Variants in KLHL6 observed in about 807,000 individuals in gnomAD.
The protein encoded by KLHL6 is kelch-like protein 6.
Under a neutral mutation model 58.6 loss-of-function variants are expected in KLHL6, and 41 were observed. That is an observed-to-expected ratio of 0.70 (90% CI 0.55 to 0.91). The LOEUF (loss-of-function observed/expected upper bound fraction) is 0.91. Ranked by LOEUF, KLHL6 falls within the 40% of genes least tolerant of loss-of-function variation. KLHL6 has a pLI of 0.00. For synonymous variants in KLHL6, 338 were observed against 322.7 expected (o/e 1.05, Z -0.51); for missense variants, 714 against 805.6 (o/e 0.89, Z 1.38).
At chr3:183,495,673 C>G (rs1717695322) in intron 4 of KLHL6, among the ~76,000 whole-genome samples, 1 of 151,550 alleles carries the variant, frequency 6.6e-6, no homozygotes, top group African/African-American at 2.4e-5. Flanking sequence ...AATCTATATA[C>G]TCAGTGCCTT....
rs1717467556 is a variant in KLHL6 at position 183,488,819 on chromosome 3, G to C, written c.*3108C>G. ...AATGACTTGAACTTTCTTTCTCGAA[G>C]AGCTACAGACTGGCAGCTTCATATA... On this transcript the variant is annotated 3_prime_UTR_variant, in exon 7 of 7. Coordinates refer to ENST00000341319, the MANE Select transcript of KLHL6 (RefSeq NM_130446.4). The C allele has an allele frequency of 6.6e-6, 1 of 152,236 alleles. No homozygotes were observed. The highest frequency in any genetic ancestry group is 1.5e-5 in the Non-Finnish European group (1 of 68,058). The allele number at this position is 152,236 out of a possible 1,614,324, so 9.4% of individuals were successfully genotyped here.
chr3:183,507,971 T>C, intron 3 of KLHL6, 88 bp downstream of exon 3: 1 of 1,207,274 alleles, frequency 8.3e-7, no homozygotes. Context: ...CTAAGGATTT[T>C]TGAATCCGCT....
Position 183,492,191 on chromosome 3 carries a change from C to T in KLHL6, c.1602G>A (p.Leu534=), listed in dbSNP as rs1294838269. 2 of 1,612,276 alleles carry T rather than the reference C, an allele frequency of 1.2e-6. No homozygotes were observed. Among genetic ancestry groups the T allele is most frequent in the East Asian group, 4.5e-5 (2 of 44,844 alleles). ...AMRALYAYSP[L]EDSWCLVTQL... ...GGGTCACCAGGCACCAGCTGTCTTC[C>T]AGCGGGCTGTAGGCGTACAGCGCTC... Residue 534 remains leucine (L), a synonymous_variant, in exon 7 of 7, where the codon CTG becomes CTA. Coordinates refer to ENST00000341319, the MANE Select transcript of KLHL6 (RefSeq NM_130446.4). The surrounding 1 kb of genome is among the most constrained non-coding windows in gnomAD (Gnocchi z 5.9).
chr3:183,531,450 T>A (rs1350138716), intron 1 of KLHL6, among the ~76,000 whole-genome samples: 3 of 131,898 alleles, frequency 2.3e-5, no homozygotes, highest in Non-Finnish European at 3.2e-5. Flanking sequence ...TGTGTTTTTT[T>A]TTTTTTTTTT....
At chr3:183,537,767 TC>T (rs774890305) in intron 1 of KLHL6, among the ~76,000 whole-genome samples, 15 of 152,264 alleles carry the variant, frequency 9.9e-5, no homozygotes, top group South Asian at 4.2e-4. Context: ...AGAGAGGCTC[TC>T]CCCGACACTC....
intron 3 of KLHL6, among the ~76,000 whole-genome samples, chr3:183,502,822 G>T (rs948641049): frequency 3.9e-5 from 6 of 152,218 alleles, no homozygotes; most frequent in African/African-American, 1.4e-4. Flanking sequence ...CTGTTAGATA[G>T]TAAGTGTTTG....
At chr3:183,498,371 C>T (rs1229495172) in intron 4 of KLHL6, among the ~76,000 whole-genome samples, 1 of 152,210 alleles carries the variant, frequency 6.6e-6, no homozygotes, top group South Asian at 2.1e-4. Context: ...CAGCTTTCCC[C>T]ACAAGTTCAG....
At chr3:183,550,956 T>C (rs1457175677) in intron 1 of KLHL6, among the ~76,000 whole-genome samples, 1 of 151,206 alleles carries the variant, frequency 6.6e-6, no homozygotes, top group African/African-American at 2.4e-5. Context: ...CTGTCTGTAC[T>C]AAAAATAAAA....
chr3:183,513,587 G>A (rs911906044), intron 2 of KLHL6, among the ~76,000 whole-genome samples: 3 of 152,190 alleles, frequency 2.0e-5, no homozygotes, highest in African/African-American at 4.8e-5. Flanking sequence ...AAACCACAGA[G>A]GAGAATCAAA....
intron 1 of KLHL6, among the ~76,000 whole-genome samples, chr3:183,540,688 G>A (rs1039247572): frequency 9.5e-5 from 14 of 146,634 alleles, no homozygotes; most frequent in African/African-American, 3.9e-4. Context: ...GCAGGCACAC[G>A]CCACCACACC....
At chr3:183,508,561 G>C (rs939378781) in intron 2 of KLHL6, 53 bp from the exon 3 acceptor site, 2 of 1,539,386 alleles carry the variant, frequency 1.3e-6, no homozygotes, top group Admixed American at 3.7e-5. Flanking sequence ...AGTCCACAAG[G>C]AGGTTTATCA....
chr3:183,537,457 T>C (rs950484571), intron 1 of KLHL6, among the ~76,000 whole-genome samples: 4 of 152,218 alleles, frequency 2.6e-5, no homozygotes, highest in Non-Finnish European at 5.9e-5. Flanking sequence ...AGAAAGACAC[T>C]GACCAATTCT....
At position 183,531,943 on chromosome 3, in the gene KLHL6, G is replaced by A. The variant is rs374289470; in HGVS notation, c.294-3933C>T. On this transcript the variant is annotated intron_variant, in intron 1 of 6. Coordinates refer to ENST00000341319, the MANE Select transcript of KLHL6 (RefSeq NM_130446.4). ...TTCAGACCATAATCTGGACTTCAGA[G>A]TTGATGCCGGAATAAATTAAGACTT... Among the ~76,000 whole-genome samples, 11 of 152,322 alleles carry A rather than the reference G, an allele frequency of 7.2e-5. No homozygotes were observed. In the South Asian group the frequency reaches 2.3e-3, roughly 32 times the overall value.
In KLHL6 at chr3:183,492,457, T is replaced by C. The variant is rs1717589580; in HGVS notation, c.1564+37A>G. The C allele has an allele frequency of 6.2e-7, 1 of 1,606,702 alleles. No homozygotes were observed. The highest frequency in any genetic ancestry group is 8.5e-7 in the Non-Finnish European group (1 of 1,173,390). ...TGCTGCAGCCAGGCGCTCATCAGGTTCTAAGCCATTCAGACCAATAAGAAG... is the reference window on the plus strand; with the variant it reads ...TGCTGCAGCCAGGCGCTCATCAGGTCCTAAGCCATTCAGACCAATAAGAAG... On this transcript the variant is annotated intron_variant, in intron 6 of 6. Coordinates refer to ENST00000341319, the MANE Select transcript of KLHL6 (RefSeq NM_130446.4). This position sits in a 1 kb window ranked among gnomAD's most constrained non-coding sequence, Gnocchi z 5.9.
Position 183,492,339 on chromosome 3 carries a change from G to A in KLHL6, c.1565-111C>T. On this transcript the variant is annotated intron_variant, in intron 6 of 6. Coordinates refer to ENST00000341319, the MANE Select transcript of KLHL6 (RefSeq NM_130446.4). This position sits in a 1 kb window ranked among gnomAD's most constrained non-coding sequence, Gnocchi z 5.9. ...GGCCAAGTCTACCCTCTTGCCAAGA[G>A]AAACAGTCGATTGATGGCTCTCCTG... 7.5e-7 allele frequency: 1 copy of A among 1,326,636 alleles called. No homozygotes were observed. Among genetic ancestry groups the A allele is most frequent in the Non-Finnish European group, 1.0e-6 (1 of 971,062 alleles). The allele number at this position is 1,326,636 out of a possible 1,614,324, so 82.2% of individuals were successfully genotyped here.
At chr3:183,528,616 G>A (rs532564651) in intron 1 of KLHL6, among the ~76,000 whole-genome samples, 52 of 152,142 alleles carry the variant, frequency 3.4e-4, no homozygotes, top group Non-Finnish European at 6.5e-4. Context: ...ATATTTAGCC[G>A]CCATCTTGGC....
chr3:183,496,367 G>T (rs1560091107), intron 4 of KLHL6, among the ~76,000 whole-genome samples: 2 of 152,248 alleles, frequency 1.3e-5, no homozygotes, highest in South Asian at 4.1e-4. Flanking sequence ...TATAGAAAAT[G>T]AGCACTGTCA....
intron 1 of KLHL6, among the ~76,000 whole-genome samples, chr3:183,536,320 C>T (rs1008275933): frequency 2.0e-5 from 3 of 152,212 alleles, no homozygotes; most frequent in African/African-American, 7.2e-5. Flanking sequence ...AGGCAAGGGC[C>T]GTGATACTCT....
Position 183,489,895 on chromosome 3 carries a change from A to G in KLHL6, c.*2032T>C, listed in dbSNP as rs1026255493. 10 of 152,256 alleles carry G rather than the reference A, an allele frequency of 6.6e-5. No homozygotes were observed. The highest frequency in any genetic ancestry group is 2.4e-4 in the African/African-American group (10 of 41,470). 9.4% of individuals were successfully genotyped at this position (152,256 alleles called of 1,614,324 possible). A position where few individuals can be genotyped will look rare whatever the true frequency, so the allele number is the denominator to read the frequency against. On this transcript the variant is annotated 3_prime_UTR_variant, in exon 7 of 7. Transcript: ENST00000341319. Reference sequence around the variant, plus strand: ...CTGTTTAATGAAAATTCAATTCACTATCAACTCTAATAACTAACTTCCCAA... The same window carrying G: ...CTGTTTAATGAAAATTCAATTCACTGTCAACTCTAATAACTAACTTCCCAA...
Sources: allele counts gnomAD v4.1 joint callset (sites outside exome capture counted in the v4.1 genomes callset), GRCh38; gene constraint gnomAD v4.1.1; non-coding constraint Gnocchi (gnomAD v3.1); transcripts MANE v1.5; gene names NCBI Gene and HGNC (gene_info 2026-07-23, HGNC 2026-07-21).